The following DCX variants were observed in gnomAD, a reference collection of about 807,000 sequenced individuals.
The protein encoded by DCX is doublecortin, also known as neuronal migration protein doublecortin.
A neutral mutation model predicts 20.9 loss-of-function variants in DCX; 4 were observed. The ratio of observed to expected loss-of-function variants is 0.19; its 90% CI spans 0.09 to 0.44. DCX has a LOEUF of 0.44. Among genes scored for constraint, DCX ranks in the 20% least tolerant of loss-of-function variants. The pLI is 0.99. For synonymous variants in DCX, 103 were observed against 111.4 expected (o/e 0.92, Z 0.47); for missense variants, 133 against 296.9 (o/e 0.45, Z 4.06).
rs765038091 is a variant in DCX, at chrX:111,310,644, T to C, written c.1044+1995A>G. Among the ~76,000 whole-genome samples, 334 of 112,294 alleles carry C rather than the reference T, an allele frequency of 3.0e-3. 1 individual carries two copies. The highest frequency in any genetic ancestry group is 4.3e-3 in the Non-Finnish European group (228 of 53,252). On this transcript the variant is annotated intron_variant, in intron 6 of 6. Coordinates refer to ENST00000636035, the MANE Select transcript of DCX (RefSeq NM_001195553.2). ...AAGCTTGCTCTAGAAAATGATATAA[T>C]GTATTACTTAACATTTGCTTGCTTA...
intron 3 of DCX, among the ~76,000 whole-genome samples, chrX:111,381,067 C>T (rs1481079204): frequency 9.1e-6 from 1 of 110,267 alleles, no homozygotes; most frequent in African/African-American, 3.3e-5. Flanking sequence ...ATGTTTTTAC[C>T]ATCAACATTT....
chrX:111,339,853 T>G (rs1922066935), intron 3 of DCX, among the ~76,000 whole-genome samples: 2 of 111,838 alleles, frequency 1.8e-5, no homozygotes, highest in Non-Finnish European at 3.8e-5. Context: ...ATTCTCACAA[T>G]TACCCAAACC....
chrX:111,362,223 C>T (rs1337761290), intron 3 of DCX, among the ~76,000 whole-genome samples: 1 of 111,201 alleles, frequency 9.0e-6, no homozygotes, highest in Non-Finnish European at 1.9e-5. Flanking sequence ...CATAAGAATG[C>T]CCTTGAATCA....
rs1322121436 is a variant in DCX at position 111,297,998 on chromosome X, C to T, written c.*3689G>A. 9.0e-6 allele frequency: 1 copy of T among 111,518 alleles called. No individual in the cohort carries two copies. Among genetic ancestry groups the T allele is most frequent in the African/African-American group, 3.3e-5 (1 of 30,630 alleles). 9.2% of individuals were successfully genotyped at this position (111,518 alleles called of 1,213,427 possible). ...TTATTTTCTCTAGCTCATCTTACTCCCATATTCTAAAAGAAATCATTGCCA... is the reference window on the plus strand; with the variant it reads ...TTATTTTCTCTAGCTCATCTTACTCTCATATTCTAAAAGAAATCATTGCCA... On this transcript the variant is annotated 3_prime_UTR_variant, in exon 7 of 7. Coordinates refer to ENST00000636035, the MANE Select transcript of DCX (RefSeq NM_001195553.2).
chrX:111,306,852 C>T (rs957940158), intron 6 of DCX, among the ~76,000 whole-genome samples: 9 of 111,287 alleles, frequency 8.1e-5, no homozygotes, highest in African/African-American at 2.3e-4. Context: ...TCACAAAATA[C>T]CTTGAGATAA....
intron 3 of DCX, among the ~76,000 whole-genome samples, chrX:111,355,951 G>A (rs1056704119): frequency 8.9e-6 from 1 of 111,885 alleles, no homozygotes; most frequent in African/African-American, 3.3e-5. Flanking sequence ...AGGTCCGAGT[G>A]AAAGAGGCCA....
chrX:111,410,980 T>C (rs1289740242), intron 1 of DCX: 1 of 1,190,602 alleles, frequency 8.4e-7, no homozygotes, highest in East Asian at 3.0e-5. Flanking sequence ...TTCATTTTAT[T>C]CCAAGCCCTC....
intron 3 of DCX, among the ~76,000 whole-genome samples, chrX:111,383,933 T>C (rs1926173816): frequency 9.0e-6 from 1 of 111,151 alleles, no homozygotes. Flanking sequence ...CTCTTACAGC[T>C]CCGATATTCT....
At chrX:111,319,539 A>G (rs985796201) in intron 5 of DCX, among the ~76,000 whole-genome samples, 3 of 112,381 alleles carry the variant, frequency 2.7e-5, no homozygotes, top group African/African-American at 9.7e-5. Context: ...GTGAATAACA[A>G]ATGCACTTTG....
rs780778645 is a variant in DCX at position 111,380,379 on chromosome X, G to A, written c.705+20611C>T. On this transcript the variant is annotated intron_variant, in intron 3 of 6. Transcript: ENST00000636035. ...GAGGTGGGGATTTAACTTCATTCTT[G>A]TCCATGTGGATATCCAGTTGTTCCA... 9.9e-5 allele frequency among the ~76,000 whole-genome samples: 11 copies of A among 111,566 alleles called. No homozygotes were observed. The South Asian group carries it at 4.0e-3, about 41-fold the overall frequency.
At chrX:111,360,152 G>C (rs942765885) in intron 3 of DCX, among the ~76,000 whole-genome samples, 2 of 111,546 alleles carry the variant, frequency 1.8e-5, no homozygotes, top group African/African-American at 6.5e-5. Context: ...AGAATGCAGG[G>C]GTTGCAGCAC....
chrX:111,308,857 G>A (rs2095051268), intron 6 of DCX, among the ~76,000 whole-genome samples: 1 of 108,268 alleles, frequency 9.2e-6, no homozygotes, highest in Non-Finnish European at 1.9e-5. Context: ...GTTTCCTTAC[G>A]TTTCTAGATT....
chrX:111,375,105 G>A (rs868495865), intron 3 of DCX, among the ~76,000 whole-genome samples: 1 of 104,728 alleles, frequency 9.5e-6, no homozygotes, highest in Non-Finnish European at 2.0e-5. Context: ...GTTAAAGGCA[G>A]GAGTGGGGTG....
chrX:111,401,026 C>A lies in DCX; in HGVS notation c.669G>T (p.Gly223=). The A allele has an allele frequency of 8.3e-7, 1 of 1,210,966 alleles. No individual in the cohort carries two copies. Among genetic ancestry groups the A allele is most frequent in the Non-Finnish European group, 1.1e-6 (1 of 895,065 alleles). ...DITEAIKLET[G]VVKKLYTLDG... ...CCAGAGTGTAGAGTTTTTTGACAAC[C>A]CCGGTCTCCAGTTTGATGGCTTCTG... The change falls in exon 3 of 7, where the codon GGG becomes GGT. Residue 223 remains glycine (G), a synonymous_variant. Coordinates refer to ENST00000636035, the MANE Select transcript of DCX (RefSeq NM_001195553.2).
intron 5 of DCX, among the ~76,000 whole-genome samples, chrX:111,320,274 GA>G (rs1241248237): frequency 2.7e-5 from 3 of 111,779 alleles, no homozygotes; most frequent in African/African-American, 6.5e-5. Context: ...ATTCTGTGGG[GA>G]AAAAAATCTG....
chrX:111,307,504 T>C (rs1326194281), intron 6 of DCX, among the ~76,000 whole-genome samples: 1 of 111,408 alleles, frequency 9.0e-6, no homozygotes, highest in Non-Finnish European at 1.9e-5. Flanking sequence ...AGCACAGGAC[T>C]AAGAGTCTGG....
chrX:111,375,889 C>T, intron 3 of DCX, among the ~76,000 whole-genome samples: 1 of 112,198 alleles, frequency 8.9e-6, no homozygotes, highest in Admixed American at 9.4e-5. Flanking sequence ...CCTTCCTTTG[C>T]CTGCATTTCC....
intron 6 of DCX, among the ~76,000 whole-genome samples, chrX:111,305,179 T>G (rs1347221202): frequency 9.0e-6 from 1 of 111,538 alleles, no homozygotes; most frequent in East Asian, 2.8e-4. Context: ...AAAAGAATAC[T>G]AAAGAGAATC....
chrX:111,323,020 G>A (rs1466390094), intron 5 of DCX, among the ~76,000 whole-genome samples: 1 of 111,547 alleles, frequency 9.0e-6, no homozygotes, highest in Non-Finnish European at 1.9e-5. Context: ...TCTGTAGAGG[G>A]GCTGATGGAA....
Sources: allele counts gnomAD v4.1 joint callset (sites outside exome capture counted in the v4.1 genomes callset), GRCh38; gene constraint gnomAD v4.1.1; transcripts MANE v1.5; gene names NCBI Gene and HGNC (gene_info 2026-07-23, HGNC 2026-07-21).